KCNIP3: variants seen among roughly 807,000 people sequenced by gnomAD.
KCNIP3 encodes the protein calsenilin.
In KCNIP3, 28 loss-of-function variants were observed where a neutral mutation model predicts 35.0. The observed-to-expected ratio is 0.80, with a 90% confidence interval of 0.59 to 1.10. The LOEUF is 1.10. Among genes scored for constraint, KCNIP3 ranks in the 50% least tolerant of loss-of-function variants. The probability of loss-of-function intolerance (pLI) is 0.00; values close to 1 mark genes in which losing one functional copy is unlikely to be tolerated. For synonymous variants in KCNIP3, 134 were observed against 133.8 expected (o/e 1.00, Z -0.01); for missense variants, 295 against 338.4 (o/e 0.87, Z 1.01).
At chr2:95,351,574 G>C (rs1169092638) in intron 2 of KCNIP3, among the ~76,000 whole-genome samples, 1 of 152,242 alleles carries the variant, frequency 6.6e-6, no homozygotes. Context: ...AAGCTCAGCA[G>C]CTCCATTTGG....
At chr2:95,374,233 C>T in intron 2 of KCNIP3, 63 bp from the exon 3 acceptor site, 2 of 1,583,890 alleles carry the variant, frequency 1.3e-6, no homozygotes, top group Non-Finnish European at 1.7e-6. Context: ...CCTGGCCACA[C>T]TGGAGCAAGA....
At chr2:95,301,343 C>T (rs1235316568) in intron 1 of KCNIP3, among the ~76,000 whole-genome samples, 1 of 152,246 alleles carries the variant, frequency 6.6e-6, no homozygotes, top group Non-Finnish European at 1.5e-5. Flanking sequence ...CTGATCCTCA[C>T]TGTGCGGGAC....
At chr2:95,318,612 G>A (rs558058233) in intron 2 of KCNIP3, among the ~76,000 whole-genome samples, 1 of 152,134 alleles carries the variant, frequency 6.6e-6, no homozygotes, top group African/African-American at 2.4e-5. Flanking sequence ...TCCCTCCTCT[G>A]CCTGCACCCG....
At chr2:95,383,124 TCCACCCACC>T in intron 7 of KCNIP3, 99 bp from the exon 8 acceptor site, 2 of 289,106 alleles carry the variant, frequency 6.9e-6, no homozygotes, top group East Asian at 2.3e-4. Context: ...CACCCGCCCA[TCCACCCACC>T]CGCCCATCCA....
Position 95,382,894 on chromosome 2 carries a change from C to A in KCNIP3, c.661-338C>A, listed in dbSNP as rs1448194316. ...TGGGCCATCCTGTGACTCAGTTGCTCCCTCTGCCCTGGCTGCCTCTCAGGG... is the reference window on the plus strand; with the variant it reads ...TGGGCCATCCTGTGACTCAGTTGCTACCTCTGCCCTGGCTGCCTCTCAGGG... On this transcript the variant is annotated intron_variant, in intron 7 of 8. Coordinates refer to ENST00000295225, the MANE Select transcript of KCNIP3 (RefSeq NM_013434.5). This position sits in a 1 kb window ranked among gnomAD's most constrained non-coding sequence, Gnocchi z 4.5. Among the ~76,000 whole-genome samples, 2 of 152,170 alleles carry A rather than the reference C, an allele frequency of 1.3e-5. No individual in the cohort carries two copies. Among genetic ancestry groups the A allele is most frequent in the Non-Finnish European group, 2.9e-5 (2 of 68,030 alleles).
At chr2:95,320,403 G>A (rs1678563438) in intron 2 of KCNIP3, among the ~76,000 whole-genome samples, 1 of 152,138 alleles carries the variant, frequency 6.6e-6, no homozygotes, top group South Asian at 2.1e-4. Flanking sequence ...GCCTGGAGGG[G>A]TCGGGGAGGA....
rs371034841 is a variant in KCNIP3, at chr2:95,374,092, G to C, written c.182-204G>C. Among the ~76,000 whole-genome samples, 14 of 152,354 alleles carry C rather than the reference G, an allele frequency of 9.2e-5. No homozygotes were observed. In the East Asian group the frequency reaches 2.3e-3, roughly 25 times the overall value. ...CGATGGGGAGGCCCGCCCTGTGGGG[G>C]GCAGGAAAGCAGAGGCACAGCTCTT... On this transcript the variant is annotated intron_variant, in intron 2 of 8. Coordinates refer to ENST00000295225, the MANE Select transcript of KCNIP3 (RefSeq NM_013434.5).
chr2:95,384,311 C>G lies in KCNIP3; in HGVS notation c.*262C>G. ...GCCAGCCCTTCCCAGGCCAGCGAGG[C>G]GAGGCTGCCTCTGGGTGAGTGGCTG... On this transcript the variant is annotated 3_prime_UTR_variant, in exon 9 of 9. Coordinates refer to ENST00000295225, the MANE Select transcript of KCNIP3 (RefSeq NM_013434.5). 2 of 526,266 alleles carry G rather than the reference C, an allele frequency of 3.8e-6. No individual in the cohort carries two copies. Among genetic ancestry groups the G allele is most frequent in the South Asian group, 2.4e-5 (1 of 41,090 alleles). The allele number at this position is 526,266 out of a possible 1,614,324, so 32.6% of individuals were successfully genotyped here.
intron 2 of KCNIP3, among the ~76,000 whole-genome samples, chr2:95,338,162 G>C (rs928228551): frequency 6.6e-6 from 1 of 152,208 alleles, no homozygotes; most frequent in Non-Finnish European, 1.5e-5. Flanking sequence ...GCATGTCACT[G>C]TGGCACTGCC....
At position 95,317,652 on chromosome 2, in the gene KCNIP3, G is replaced by A. The variant is rs530706294; in HGVS notation, c.181+7132G>A. Among the ~76,000 whole-genome samples, 7 of 152,270 alleles carry A rather than the reference G, an allele frequency of 4.6e-5. No individual in the cohort carries two copies. The South Asian group carries it at 1.2e-3, about 27-fold the overall frequency. ...ACAAGCTGAGACCAAGAGGAGAGAC[G>A]CTGCTTTTGAGAGACAGAGACAGAC... On this transcript the variant is annotated intron_variant, in intron 2 of 8. Coordinates refer to ENST00000295225, the MANE Select transcript of KCNIP3 (RefSeq NM_013434.5).
Position 95,384,127 on chromosome 2 carries a change from GAAACTTTTA to G in KCNIP3, c.*82_*90del. 7.4e-7 allele frequency: 1 copy of G among 1,346,204 alleles called. No individual in the cohort carries two copies. The highest frequency in any genetic ancestry group is 2.3e-5 in the East Asian group (1 of 43,372). 83.4% of individuals were successfully genotyped at this position (1,346,204 alleles called of 1,614,324 possible). ...CCATCCTGCCAGGAGCAGCCTCCAA[GAAACTTTTA>G]AAAAATAGATTTGCAAAAAGTGAAC... On this transcript the variant is annotated 3_prime_UTR_variant, in exon 9 of 9. Coordinates refer to ENST00000295225, the MANE Select transcript of KCNIP3 (RefSeq NM_013434.5).
At chr2:95,315,971 T>C (rs1678450680) in intron 2 of KCNIP3, among the ~76,000 whole-genome samples, 3 of 152,176 alleles carry the variant, frequency 2.0e-5, no homozygotes, top group African/African-American at 7.2e-5. Flanking sequence ...TCGATTGCTG[T>C]TGGGTGTTTC....
intron 1 of KCNIP3, 30 bp downstream of exon 1, chr2:95,297,483 TGGAGGGG>T: frequency 2.1e-5 from 4 of 187,608 alleles, no homozygotes; most frequent in Non-Finnish European, 3.4e-5. Context: ...GGTCTTGCTC[TGGAGGGG>T]GGTCGGGGGG....
At chr2:95,356,362 A>G (rs568385960) in intron 2 of KCNIP3, among the ~76,000 whole-genome samples, 1 of 152,196 alleles carries the variant, frequency 6.6e-6, no homozygotes, top group South Asian at 2.1e-4. Context: ...CTTAGATCCC[A>G]TTTGTCTATT....
intron 2 of KCNIP3, among the ~76,000 whole-genome samples, chr2:95,329,008 G>A (rs1320019568): frequency 6.6e-6 from 1 of 152,208 alleles, no homozygotes; most frequent in Non-Finnish European, 1.5e-5. Flanking sequence ...GTAGCCCAGC[G>A]GTTCCTAGGA....
chr2:95,365,459 GC>G (rs1235583087), intron 2 of KCNIP3, among the ~76,000 whole-genome samples: 1 of 152,144 alleles, frequency 6.6e-6, no homozygotes, highest in African/African-American at 2.4e-5. Context: ...ACCGCACTTG[GC>G]CCCTTATGTC....
intron 2 of KCNIP3, among the ~76,000 whole-genome samples, chr2:95,332,653 G>C (rs977064446): frequency 6.6e-6 from 1 of 152,214 alleles, no homozygotes; most frequent in African/African-American, 2.4e-5. Flanking sequence ...ATGTGGAAAG[G>C]TATTTTGTGG....
intron 2 of KCNIP3, chr2:95,347,256 G>C (rs994855179): frequency 1.1e-4 from 81 of 728,362 alleles, no homozygotes; most frequent in Admixed American, 3.2e-4. Context: ...TCCCGGCTCC[G>C]GAGGGTTGGG....
rs1680396084 is a variant in KCNIP3 at position 95,383,303 on chromosome 2, C to T, written c.723+9C>T. 3 of 1,612,946 alleles carry T rather than the reference C, an allele frequency of 1.9e-6. No homozygotes were observed. Among genetic ancestry groups the T allele is most frequent in the African/African-American group, 1.3e-5 (1 of 74,886 alleles). ...TGGAGGCCTGTCAGAAGGTAGGTGGCACGGGAGGCTGGGCCACAGTTCTCT... is the reference window on the plus strand; with the variant it reads ...TGGAGGCCTGTCAGAAGGTAGGTGGTACGGGAGGCTGGGCCACAGTTCTCT... On this transcript the variant is annotated intron_variant, in intron 8 of 8. Coordinates refer to ENST00000295225, the MANE Select transcript of KCNIP3 (RefSeq NM_013434.5).
Sources: allele counts gnomAD v4.1 joint callset (sites outside exome capture counted in the v4.1 genomes callset), GRCh38; gene constraint gnomAD v4.1.1; non-coding constraint Gnocchi (gnomAD v3.1); transcripts MANE v1.5; gene names NCBI Gene and HGNC (gene_info 2026-07-23, HGNC 2026-07-21).